AUTS2: variants seen among roughly 807,000 people sequenced by gnomAD.
AUTS2 encodes the protein activator of transcription and developmental regulator AUTS2.
AUTS2 carries 17 observed loss-of-function variants against 112.4 expected under a neutral mutation model. That is an observed-to-expected ratio of 0.15 (90% CI 0.10 to 0.23). AUTS2 has a LOEUF of 0.23. AUTS2 is among the 10% of genes least tolerant of loss of function. The pLI, the probability that AUTS2 is intolerant of heterozygous loss-of-function variation, is 1.00. For synonymous variants in AUTS2, 751 were observed against 702.7 expected, an observed-to-expected ratio of 1.07 and a Z score of -1.09; for missense variants, 1,510 against 1,701.6, an observed-to-expected ratio of 0.89 and a Z score of 1.98.
chr7:70,184,749 C>T (rs1429300257), intron 4 of AUTS2, among the ~76,000 whole-genome samples: 3 of 152,042 alleles, frequency 2.0e-5, no homozygotes, highest in Non-Finnish European at 4.4e-5. Context: ...AGACAAGAGA[C>T]GCCAGCCTTC....
At chr7:70,606,397 G>A (rs1295391252) in intron 5 of AUTS2, among the ~76,000 whole-genome samples, 2 of 152,132 alleles carry the variant, frequency 1.3e-5, no homozygotes, top group African/African-American at 4.8e-5. Context: ...TGATGAACTT[G>A]GTTCTTAGTT....
chr7:69,768,510 G>A (rs1461544190), intron 1 of AUTS2, among the ~76,000 whole-genome samples: 6 of 152,168 alleles, frequency 3.9e-5, no homozygotes, highest in Admixed American at 6.5e-5. Context: ...TGTATTTACA[G>A]CTTTGCAGAG....
At chr7:69,950,855 G>T (rs369181151) in intron 2 of AUTS2, among the ~76,000 whole-genome samples, 1 of 152,036 alleles carries the variant, frequency 6.6e-6, no homozygotes, top group Non-Finnish European at 1.5e-5. Context: ...GGATTTGGTC[G>T]GGTGCGGTGG....
At chr7:70,740,829 C>T (rs540815070) in intron 6 of AUTS2, among the ~76,000 whole-genome samples, 1 of 152,264 alleles carries the variant, frequency 6.6e-6, no homozygotes, top group African/African-American at 2.4e-5. Context: ...CGCAGTGGCT[C>T]ATGCCTATAA....
intron 4 of AUTS2, among the ~76,000 whole-genome samples, chr7:70,325,839 C>T (rs557476163): frequency 6.6e-6 from 1 of 152,298 alleles, no homozygotes; most frequent in East Asian, 1.9e-4. Context: ...GGGATGAATC[C>T]AGTCCGGTGG....
chr7:70,711,178 T>C (rs1810032029), intron 6 of AUTS2, among the ~76,000 whole-genome samples: 1 of 151,994 alleles, frequency 6.6e-6, no homozygotes, highest in South Asian at 2.1e-4. Flanking sequence ...TGTGCCTTCT[T>C]TCCTTCTCAG....
chr7:70,637,713 G>A (rs922511151), intron 5 of AUTS2, among the ~76,000 whole-genome samples: 3 of 152,086 alleles, frequency 2.0e-5, no homozygotes, highest in South Asian at 2.1e-4. Flanking sequence ...CCTAAGTAGG[G>A]GTATTTTGGG....
At chr7:69,816,426 T>C (rs1003931508) in intron 1 of AUTS2, among the ~76,000 whole-genome samples, 1 of 152,150 alleles carries the variant, frequency 6.6e-6, no homozygotes, top group Non-Finnish European at 1.5e-5. Flanking sequence ...ATGCGGAATC[T>C]TGTTGGTTGA....
intron 1 of AUTS2, among the ~76,000 whole-genome samples, chr7:69,634,245 G>C (rs574308971): frequency 1.4e-4 from 21 of 151,342 alleles, no homozygotes; most frequent in African/African-American, 4.9e-4. Flanking sequence ...TCAGCCTCCC[G>C]AGTAGCTGGG....
chr7:70,406,125 T>C (rs906693646), intron 4 of AUTS2, among the ~76,000 whole-genome samples: 2 of 152,158 alleles, frequency 1.3e-5, no homozygotes, highest in African/African-American at 4.8e-5. Flanking sequence ...AGCAAATCTT[T>C]AAAGCCACTG....
chr7:70,116,209 A>G (rs1232383183), intron 2 of AUTS2, among the ~76,000 whole-genome samples: 1 of 152,232 alleles, frequency 6.6e-6, no homozygotes, highest in Admixed American at 6.5e-5. Context: ...GATACAAAGT[A>G]AAATTAGCAT....
At chr7:70,413,627 T>C (rs73442754) in intron 4 of AUTS2, among the ~76,000 whole-genome samples, 1 of 152,326 alleles carries the variant, frequency 6.6e-6, no homozygotes, top group African/African-American at 2.4e-5. Flanking sequence ...TTCCCCTTTC[T>C]CATTCCTCCT....
At chr7:70,640,865 G>T (rs568206097) in intron 5 of AUTS2, among the ~76,000 whole-genome samples, 2 of 152,158 alleles carry the variant, frequency 1.3e-5, no homozygotes, top group African/African-American at 4.8e-5. Flanking sequence ...AGCCCACGCC[G>T]TCATCCCTTC....
intron 5 of AUTS2, among the ~76,000 whole-genome samples, chr7:70,492,946 C>T (rs1364325009): frequency 1.3e-5 from 2 of 152,220 alleles, no homozygotes; most frequent in Admixed American, 6.5e-5. Flanking sequence ...TTTTTATCCA[C>T]ATTATGCATG....
intron 1 of AUTS2, among the ~76,000 whole-genome samples, chr7:69,624,606 C>T (rs1398647769): frequency 6.6e-6 from 1 of 152,194 alleles, no homozygotes; most frequent in African/African-American, 2.4e-5. Flanking sequence ...TCTGCAGCCA[C>T]CTGCCAGCAG....
intron 6 of AUTS2, chr7:70,729,228 T>C (rs1183377335): frequency 2.2e-6 from 1 of 456,218 alleles, no homozygotes; most frequent in Non-Finnish European, 4.4e-6. Context: ...AAAGGTACCA[T>C]GGCTGGGCCA....
At chr7:70,237,984 T>G (rs1225104433) in intron 4 of AUTS2, among the ~76,000 whole-genome samples, 1 of 152,210 alleles carries the variant, frequency 6.6e-6, no homozygotes, top group Non-Finnish European at 1.5e-5. Flanking sequence ...CAGTAATTCA[T>G]AGTGCTCTAT....
At chr7:69,661,359 T>C (rs1168317800) in intron 1 of AUTS2, among the ~76,000 whole-genome samples, 2 of 152,218 alleles carry the variant, frequency 1.3e-5, no homozygotes, top group African/African-American at 4.8e-5. Context: ...GTAGAAAGTT[T>C]GTCCTGTCCA....
intron 1 of AUTS2, among the ~76,000 whole-genome samples, chr7:69,889,002 G>T (rs1416899470): frequency 6.6e-6 from 1 of 152,226 alleles, no homozygotes; most frequent in Non-Finnish European, 1.5e-5. Context: ...ACAATTCATA[G>T]CATGGCCCAA....
Sources: gnomAD v4.1 joint callset for allele counts (sites outside exome capture counted in the v4.1 genomes callset) on GRCh38, gnomAD v4.1.1 for gene constraint, MANE v1.5 for transcripts, NCBI Gene and HGNC (gene_info 2026-07-23, HGNC 2026-07-21) for gene names.